The following GUCY1A2 variants were observed in gnomAD, a reference collection of about 807,000 sequenced individuals.
GUCY1A2 encodes guanylate cyclase soluble subunit alpha-2.
A neutral mutation model predicts 63.5 loss-of-function variants in GUCY1A2; 27 were observed. The observed-to-expected ratio is 0.43, with a 90% CI of 0.31 to 0.59. GUCY1A2 has a LOEUF of 0.59. GUCY1A2 is among the 20% of genes least tolerant of loss of function. GUCY1A2 has a pLI of 0.11. For missense variants in GUCY1A2, 768 were observed against 913.3 expected, an observed-to-expected ratio of 0.84 and a Z score of 2.05; for synonymous variants, 364 against 343.5, an observed-to-expected ratio of 1.06 and a Z score of -0.66.
intron 4 of GUCY1A2, among the ~76,000 whole-genome samples, chr11:106,934,248 C>T (rs548734854): frequency 1.3e-5 from 2 of 152,078 alleles, no homozygotes; most frequent in African/African-American, 2.4e-5. Context: ...TAATTCTGAA[C>T]GAAATCATGT....
chr11:106,725,393 C>CTAT (rs1464421397), intron 6 of GUCY1A2, among the ~76,000 whole-genome samples: 2 of 47,184 alleles, frequency 4.2e-5, no homozygotes, highest in Non-Finnish European at 1.0e-4. Context: ...GGGATGGTCT[C>CTAT]GATCTCCTGA....
chr11:107,011,775 CAAAAAAAAAAAG>C (rs1368692253), intron 1 of GUCY1A2, among the ~76,000 whole-genome samples: 1 of 135,946 alleles, frequency 7.4e-6, no homozygotes, highest in Non-Finnish European at 1.6e-5. Flanking sequence ...GACCCTATTT[CAAAAAAAAAAAG>C]AAAAAGAAAA....
At chr11:106,730,973 T>G (rs549154356) in intron 6 of GUCY1A2, among the ~76,000 whole-genome samples, 18 of 152,266 alleles carry the variant, frequency 1.2e-4, no homozygotes, top group African/African-American at 4.3e-4. Context: ...TGTTTGTTTT[T>G]GGCTTGGAAA....
intron 2 of GUCY1A2, among the ~76,000 whole-genome samples, chr11:106,982,106 T>G (rs1861344367): frequency 6.6e-6 from 1 of 152,168 alleles, no homozygotes; most frequent in Non-Finnish European, 1.5e-5. Flanking sequence ...ATGAGAAAAC[T>G]GAGGCTCAGG....
Position 106,674,957 on chromosome 11 carries a change from CTGTT to C in GUCY1A2, c.*12588_*12591del, listed in dbSNP as rs1862320580. 4.6e-6 allele frequency: 1 copy of C among 215,180 alleles called. No individual in the cohort carries two copies. Among genetic ancestry groups the C allele is most frequent in the East Asian group, 6.9e-5 (1 of 14,492 alleles). The allele number at this position is 215,180 out of a possible 1,614,324, so 13.3% of individuals were successfully genotyped here. On this transcript the variant is annotated 3_prime_UTR_variant, in exon 8 of 8. Coordinates refer to ENST00000526355, the MANE Select transcript of GUCY1A2 (RefSeq NM_000855.3). ...TGCAGACTTGATGGAAGTGCATTGG[CTGTT>C]TATTTTATGCATTGAAGTGAGTATT...
intron 6 of GUCY1A2, among the ~76,000 whole-genome samples, chr11:106,767,367 G>A (rs138612623): frequency 4.5e-4 from 69 of 152,058 alleles, no homozygotes; most frequent in Non-Finnish European, 6.3e-4. Context: ...ACTTGGTTTT[G>A]TTTTTTCTTT....
chr11:106,725,990 G>C (rs986142612), intron 6 of GUCY1A2, among the ~76,000 whole-genome samples: 1 of 152,100 alleles, frequency 6.6e-6, no homozygotes, highest in Non-Finnish European at 1.5e-5. Context: ...CTGGTAGGCT[G>C]GAACAGACTA....
intron 5 of GUCY1A2, among the ~76,000 whole-genome samples, chr11:106,797,103 C>T (rs114880781): frequency 0.021 from 3,177 of 152,202 alleles, 128 homozygotes; most frequent in East Asian, 0.15. Flanking sequence ...ACATAGTTCT[C>T]GTGCCATGGT....
chr11:106,863,821 T>G (rs1859548718), intron 4 of GUCY1A2, among the ~76,000 whole-genome samples: 1 of 152,174 alleles, frequency 6.6e-6, no homozygotes, highest in African/African-American at 2.4e-5. Flanking sequence ...AAGCAGTGGT[T>G]TGTAGTTCTC....
chr11:106,905,045 A>T (rs1218555583), intron 4 of GUCY1A2, among the ~76,000 whole-genome samples: 1 of 152,182 alleles, frequency 6.6e-6, no homozygotes, highest in Non-Finnish European at 1.5e-5. Context: ...ACAGGAAATG[A>T]TGCATAATGC....
rs1442658998 is a variant in GUCY1A2, at chr11:106,917,003, G to T, written c.1206+22457C>A. 1.4e-5 allele frequency among the ~76,000 whole-genome samples: 2 copies of T among 145,420 alleles called. 1 individual carries two copies. Among genetic ancestry groups the T allele is most frequent in the Non-Finnish European group, 3.1e-5 (2 of 64,728 alleles). ...TTCTAGGAGCTAACTGGGAATACAAGATGAAAAACAAAATAAGCAATTAGG... is the reference window on the plus strand; with the variant it reads ...TTCTAGGAGCTAACTGGGAATACAATATGAAAAACAAAATAAGCAATTAGG... On this transcript the variant is annotated intron_variant, in intron 4 of 7. Transcript: ENST00000526355.
chr11:106,697,494 T>G (rs1345880699), intron 7 of GUCY1A2, among the ~76,000 whole-genome samples: 1 of 152,220 alleles, frequency 6.6e-6, no homozygotes, highest in African/African-American at 2.4e-5. Context: ...TTTTGGAAGT[T>G]AGACTTCCAA....
At chr11:106,752,297 C>A (rs549939706) in intron 6 of GUCY1A2, among the ~76,000 whole-genome samples, 93 of 152,162 alleles carry the variant, frequency 6.1e-4, no homozygotes, top group African/African-American at 2.0e-3. Context: ...AAAGAGATAG[C>A]AATGTACAGA....
intron 4 of GUCY1A2, among the ~76,000 whole-genome samples, chr11:106,895,528 C>CTGA (rs1860035163): frequency 6.6e-6 from 1 of 152,144 alleles, no homozygotes; most frequent in Non-Finnish European, 1.5e-5. Context: ...CTTACAAGAT[C>CTGA]TGATGGCTTT....
At chr11:106,943,939 G>C (rs1444648837) in intron 3 of GUCY1A2, among the ~76,000 whole-genome samples, 2 of 151,898 alleles carry the variant, frequency 1.3e-5, no homozygotes, top group African/African-American at 4.8e-5. Context: ...GGCACAGTGG[G>C]TCATGCCTGT....
chr11:106,874,359 C>T (rs1859720528), intron 4 of GUCY1A2, among the ~76,000 whole-genome samples: 1 of 152,040 alleles, frequency 6.6e-6, no homozygotes, highest in Non-Finnish European at 1.5e-5. Flanking sequence ...TATTGAGGAA[C>T]AAAATCAGCA....
chr11:106,926,682 T>G (rs1860527515), intron 4 of GUCY1A2, among the ~76,000 whole-genome samples: 1 of 151,904 alleles, frequency 6.6e-6, no homozygotes, highest in South Asian at 2.1e-4. Context: ...AATTGTTATA[T>G]GATAGTGGTG....
Position 106,681,077 on chromosome 11 carries a change from A to T in GUCY1A2, c.*6472T>A, listed in dbSNP as rs1489711011. The T allele has an allele frequency of 4.8e-6, 1 of 208,970 alleles. No homozygotes were observed. The highest frequency in any genetic ancestry group is 2.3e-5 in the African/African-American group (1 of 44,014). 12.9% of individuals were successfully genotyped at this position (208,970 alleles called of 1,614,324 possible). ...TCTATTAAAATTGTATTTTAAGTAG[A>T]CTAAAAACATGATTTTTTCATTTCG... On this transcript the variant is annotated 3_prime_UTR_variant, in exon 8 of 8. Coordinates refer to ENST00000526355, the MANE Select transcript of GUCY1A2 (RefSeq NM_000855.3).
intron 3 of GUCY1A2, among the ~76,000 whole-genome samples, chr11:106,971,652 T>C (rs921338575): frequency 2.0e-5 from 3 of 152,128 alleles, no homozygotes; most frequent in African/African-American, 7.2e-5. Context: ...AACTCATATT[T>C]AGCATATGAT....
Sources: gnomAD v4.1 joint callset for allele counts (sites outside exome capture counted in the v4.1 genomes callset) on GRCh38, gnomAD v4.1.1 for gene constraint, MANE v1.5 for transcripts, NCBI Gene and HGNC (gene_info 2026-07-23, HGNC 2026-07-21) for gene names.